Variants in DOCK7 observed in about 807,000 individuals in gnomAD.
DOCK7 encodes the protein dedicator of cytokinesis protein 7.
A neutral mutation model predicts 271.0 loss-of-function variants in DOCK7; 138 were observed. The observed-to-expected ratio is 0.51, with a 90% confidence interval of 0.44 to 0.59. The LOEUF is 0.59. DOCK7 is among the 20% of genes least tolerant of loss of function. DOCK7 has a pLI of 0.00. For missense variants in DOCK7, 2,066 were observed against 2,592.4 expected, an observed-to-expected ratio of 0.80 and a Z score of 4.41; for synonymous variants, 823 against 876.1, an observed-to-expected ratio of 0.94 and a Z score of 1.07.
intron 14 of DOCK7, chr1:62,601,842 C>T (rs746000132): frequency 6.2e-7 from 1 of 1,610,058 alleles, no homozygotes; most frequent in Non-Finnish European, 8.5e-7. Context: ...TCAGACCCAG[C>T]AACTCTCAAG....
intron 44 of DOCK7, 116 bp from the exon 45 acceptor site, chr1:62,476,272 A>G (rs184167257): frequency 2.0e-4 from 127 of 634,202 alleles, no homozygotes; most frequent in East Asian, 1.9e-3. Flanking sequence ...GTACAATCAT[A>G]TCAATAATTA....
intron 18 of DOCK7, among the ~76,000 whole-genome samples, chr1:62,570,874 C>T (rs770695458): frequency 2.6e-5 from 4 of 152,032 alleles, no homozygotes; most frequent in Non-Finnish European, 5.9e-5. Flanking sequence ...TGAGACTAGA[C>T]CCCTTCCTTA....
chr1:62,578,327 C>T (rs1646999974), intron 17 of DOCK7, among the ~76,000 whole-genome samples: 1 of 152,142 alleles, frequency 6.6e-6, no homozygotes, highest in Non-Finnish European at 1.5e-5. Flanking sequence ...CAATTAATTA[C>T]ATTAGTTAAT....
In DOCK7 at chr1:62,559,193, G is replaced by A; in HGVS notation, c.2227C>T (p.Leu743=). The A allele has an allele frequency of 6.2e-7, 1 of 1,611,222 alleles. No homozygotes were observed. The highest frequency in any genetic ancestry group is 8.5e-7 in the Non-Finnish European group (1 of 1,178,350). Residue 743 remains leucine, a synonymous_variant, in exon 20 of 50, where the codon CTG becomes TTG. Transcript: ENST00000635253. ...AGGTGTTCATCCAGAGCATTGACCA[G>A]AGCAAAAAATTTGTCAAGATAAGGA... The part of the protein sequence containing the change: ...QDPYLDKFFA[L]VNALDEHLFP...
In DOCK7 at chr1:62,561,597, T is replaced by C; in HGVS notation, c.2199+20A>G. 1.4e-6 allele frequency: 2 copies of C among 1,454,814 alleles called. No individual in the cohort carries two copies. Among genetic ancestry groups the C allele is most frequent in the Non-Finnish European group, 1.8e-6 (2 of 1,089,612 alleles). 90.1% of individuals were successfully genotyped at this position (1,454,814 alleles called of 1,614,324 possible). A position where few individuals can be genotyped will look rare whatever the true frequency, so the allele number is the denominator to read the frequency against. On this transcript the variant is annotated intron_variant, in intron 19 of 49. Coordinates refer to ENST00000635253, the MANE Select transcript of DOCK7 (RefSeq NM_001367561.1). ...AATTTATTTAAGTGAAATTTGATAA[T>C]AAAAATTATTAAAACTCACTTGTGT...
chr1:62,479,749 C>G (rs756475859), intron 43 of DOCK7: 2 of 378,056 alleles, frequency 5.3e-6, no homozygotes, highest in South Asian at 4.0e-5. Flanking sequence ...AGTGGTGCAA[C>G]CACAGCTCAC....
intron 12 of DOCK7, among the ~76,000 whole-genome samples, 161 bp from the exon 13 acceptor site, chr1:62,620,154 T>C (rs1652977617): frequency 6.6e-6 from 1 of 151,472 alleles, no homozygotes; most frequent in African/African-American, 2.4e-5. Flanking sequence ...ACCCCGTCTC[T>C]ACTAAAAATA....
In DOCK7 at chr1:62,544,898, A is replaced by G. The variant is rs548571990; in HGVS notation, c.2859+49T>C. ...AGTATATACTAAAAAGTAATGTTCT[A>G]AAGGGAAACATCAGCAGCCAATAAA... is the stretch of plus-strand genomic sequence containing the variant. On this transcript the variant is annotated intron_variant, in intron 23 of 49. Coordinates refer to ENST00000635253, the MANE Select transcript of DOCK7 (RefSeq NM_001367561.1). 5.0e-4 allele frequency: 706 copies of G among 1,407,766 alleles called. 8 individuals are homozygous for G. The South Asian group carries it at 8.8e-3, about 18-fold the overall frequency. 87.2% of individuals were successfully genotyped at this position (1,407,766 alleles called of 1,614,324 possible). A position where few individuals can be genotyped will look rare whatever the true frequency, so the allele number is the denominator to read the frequency against.
At chr1:62,687,000 G>T (rs1661856437) in intron 1 of DOCK7, among the ~76,000 whole-genome samples, 1 of 152,002 alleles carries the variant, frequency 6.6e-6, no homozygotes, top group Non-Finnish European at 1.5e-5. Context: ...GGCTGGTCTT[G>T]AACTCCTGGC....
chr1:62,535,527 C>G lies in DOCK7; in HGVS notation c.3577G>C (p.Glu1193Gln), dbSNP rs548706843. The G allele has an allele frequency of 1.2e-6, 2 of 1,614,032 alleles. No homozygotes were observed. Among genetic ancestry groups the G allele is most frequent in the South Asian group, 2.2e-5 (2 of 91,066 alleles). The change falls in exon 29 of 50, where the codon GAG (glutamate) becomes CAG (glutamine). Residue 1193 changes from glutamate to glutamine, a missense_variant. Coordinates refer to ENST00000635253, the MANE Select transcript of DOCK7 (RefSeq NM_001367561.1). ...QHYLAGLVLT[E>Q]LAVILDPDAE... ...TCAGGGTCTAAAATGACAGCCAGCT[C>G]TGTTAACACAAGTCCTGCCAAATAA...
At chr1:62,461,323 AATAAG>A (rs1571174112) in intron 48 of DOCK7, among the ~76,000 whole-genome samples, 1 of 152,020 alleles carries the variant, frequency 6.6e-6, no homozygotes, top group East Asian at 1.9e-4. Flanking sequence ...TAATAATTCT[AATAAG>A]ATAAATTATT....
At chr1:62,566,853 AAAAT>A (rs1646532088) in intron 18 of DOCK7, among the ~76,000 whole-genome samples, 2 of 152,156 alleles carry the variant, frequency 1.3e-5, no homozygotes, top group South Asian at 2.1e-4. Flanking sequence ...TCACAAGAAA[AAAAT>A]AAATAATCCC....
chr1:62,457,028 T>G (rs1645367041), intron 49 of DOCK7, among the ~76,000 whole-genome samples: 1 of 152,176 alleles, frequency 6.6e-6, no homozygotes, highest in East Asian at 1.9e-4. Context: ...TCCTAAGAAC[T>G]TCACATCTGT....
chr1:62,604,564 CG>C, intron 14 of DOCK7: 2 of 1,472,654 alleles, frequency 1.4e-6, no homozygotes, highest in South Asian at 2.3e-5. Flanking sequence ...GATAAACTTA[CG>C]GGGAAATACA....
chr1:62,543,830 T>C, intron 23 of DOCK7, 85 bp from the exon 24 acceptor site: 1 of 910,478 alleles, frequency 1.1e-6, no homozygotes, highest in South Asian at 2.1e-5. Context: ...TGTACAAGTT[T>C]AAAACAGAGT....
chr1:62,657,188 C>A (rs1168099), intron 2 of DOCK7, among the ~76,000 whole-genome samples: 88,061 of 151,978 alleles, frequency 0.58, 27,304 homozygotes, highest in East Asian at 0.76. Context: ...AGGTCACACA[C>A]CCTTGGGTGT....
chr1:62,592,544 G>T (rs143063283), intron 14 of DOCK7, among the ~76,000 whole-genome samples: 2 of 151,970 alleles, frequency 1.3e-5, no homozygotes, highest in Non-Finnish European at 2.9e-5. Flanking sequence ...TCTATTGTTT[G>T]TTATATATAT....
At chr1:62,604,551 G>A in intron 14 of DOCK7, 2 of 1,394,376 alleles carry the variant, frequency 1.4e-6, no homozygotes, top group Non-Finnish European at 2.0e-6. Context: ...TATAAGAAAG[G>A]AAGATAAACT....
intron 41 of DOCK7, among the ~76,000 whole-genome samples, chr1:62,489,729 C>A (rs1046553268): frequency 6.6e-5 from 10 of 152,196 alleles, no homozygotes; most frequent in African/African-American, 2.4e-4. Flanking sequence ...TGTATGTGTA[C>A]TTATCTATGC....
Sources: allele counts gnomAD v4.1 joint callset (sites outside exome capture counted in the v4.1 genomes callset), GRCh38; gene constraint gnomAD v4.1.1; transcripts MANE v1.5; gene names NCBI Gene and HGNC (gene_info 2026-07-23, HGNC 2026-07-21).